The following IL1RAPL1 variants were observed in gnomAD, a reference collection of about 807,000 sequenced individuals.
The protein encoded by IL1RAPL1 is interleukin 1 receptor accessory protein like 1.
A neutral mutation model predicts 48.4 loss-of-function variants in IL1RAPL1; 3 were observed. That is an observed-to-expected ratio of 0.06 (90% confidence interval 0.03 to 0.16). The LOEUF (loss-of-function observed/expected upper bound fraction) is 0.16. Ranked by LOEUF, IL1RAPL1 falls within the 10% of genes least tolerant of loss-of-function variation. The pLI, the probability that IL1RAPL1 is intolerant of heterozygous loss-of-function variation, is 1.00. For synonymous variants in IL1RAPL1, 185 were observed against 187.7 expected, an observed-to-expected ratio of 0.99 and a Z score of 0.12; for missense variants, 349 against 530.6, an observed-to-expected ratio of 0.66 and a Z score of 3.36.
chrX:29,803,096 CATGTATACATATATGTATAT>C (rs1380771300), intron 6 of IL1RAPL1, among the ~76,000 whole-genome samples: 1 of 87,684 alleles, frequency 1.1e-5, no homozygotes. Flanking sequence ...TATATGTATA[CATGTATACATATATGTATAT>C]ATGTGTATAC....
At chrX:29,193,746 A>G (rs934292934) in intron 2 of IL1RAPL1, among the ~76,000 whole-genome samples, 5 of 111,633 alleles carry the variant, frequency 4.5e-5, no homozygotes, top group Non-Finnish European at 9.4e-5. Flanking sequence ...AAAATTGTAA[A>G]GAATTAATAC....
chrX:28,977,892 G>C (rs1384210690), intron 2 of IL1RAPL1, among the ~76,000 whole-genome samples: 1 of 111,866 alleles, frequency 8.9e-6, no homozygotes, highest in Non-Finnish European at 1.9e-5. Flanking sequence ...GGACCCGGGG[G>C]GTGGAGGTTG....
intron 6 of IL1RAPL1, among the ~76,000 whole-genome samples, chrX:29,822,477 T>G (rs1458724036): frequency 1.8e-5 from 2 of 111,308 alleles, no homozygotes; most frequent in East Asian, 5.6e-4. Flanking sequence ...TTTTGCATGT[T>G]TTGGTCTACA....
intron 1 of IL1RAPL1, among the ~76,000 whole-genome samples, chrX:28,624,640 T>C (rs1934318481): frequency 8.9e-6 from 1 of 111,832 alleles, no homozygotes; most frequent in Admixed American, 9.6e-5. Context: ...TGTCAACAAC[T>C]CCGTGAAGCT....
chrX:28,655,510 C>G (rs1427427083), intron 1 of IL1RAPL1, among the ~76,000 whole-genome samples: 2 of 110,978 alleles, frequency 1.8e-5, no homozygotes, highest in African/African-American at 6.6e-5. Flanking sequence ...CTCCTATCAG[C>G]AAAAAGAGCA....
intron 2 of IL1RAPL1, among the ~76,000 whole-genome samples, chrX:28,983,560 A>G (rs1330980166): frequency 8.9e-6 from 1 of 111,854 alleles, no homozygotes; most frequent in African/African-American, 3.2e-5. Flanking sequence ...GAGCTTTCCA[A>G]TTTACGCTAA....
At chrX:29,485,847 G>A (rs184949802) in intron 5 of IL1RAPL1, among the ~76,000 whole-genome samples, 36 of 111,158 alleles carry the variant, frequency 3.2e-4, no homozygotes, top group Admixed American at 3.0e-3. Flanking sequence ...AGGCCCTGGC[G>A]ACTCAAAGTG....
chrX:29,192,059 A>G (rs1011489347), intron 2 of IL1RAPL1, among the ~76,000 whole-genome samples: 2 of 111,664 alleles, frequency 1.8e-5, no homozygotes, highest in Non-Finnish European at 3.8e-5. Context: ...GCAGCAGTCT[A>G]TTCTTTCGTT....
chrX:29,633,941 G>T (rs1248109696), intron 5 of IL1RAPL1, among the ~76,000 whole-genome samples: 1 of 111,472 alleles, frequency 9.0e-6, no homozygotes, highest in Non-Finnish European at 1.9e-5. Context: ...CACATTCACA[G>T]GTTCCTGGGT....
chrX:29,933,419 G>A (rs1339128365), intron 8 of IL1RAPL1, among the ~76,000 whole-genome samples: 1 of 111,304 alleles, frequency 9.0e-6, no homozygotes, highest in Non-Finnish European at 1.9e-5. Flanking sequence ...TTAATGGACT[G>A]AATATTAATG....
At position 28,940,309 on chromosome X, in the gene IL1RAPL1, A is replaced by G. The variant is rs1047399592; in HGVS notation, c.82+150884A>G. Among the ~76,000 whole-genome samples, 51 of 111,366 alleles carry G rather than the reference A, an allele frequency of 4.6e-4. 1 individual carries two copies. The highest frequency in any genetic ancestry group is 1.4e-3 in the African/African-American group (42 of 30,899). On this transcript the variant is annotated intron_variant, in intron 2 of 10. Coordinates refer to ENST00000378993, the MANE Select transcript of IL1RAPL1 (RefSeq NM_014271.4). ...AAGTTTAGTAATAAGAGCAAAAAAGACATATATTTATGAGAGCAAAAATAT... is the reference window on the plus strand; with the variant it reads ...AAGTTTAGTAATAAGAGCAAAAAAGGCATATATTTATGAGAGCAAAAATAT...
chrX:28,911,659 A>G (rs1459269103), intron 2 of IL1RAPL1, among the ~76,000 whole-genome samples: 1 of 111,465 alleles, frequency 9.0e-6, no homozygotes, highest in Non-Finnish European at 1.9e-5. Flanking sequence ...ACTAAAAAGA[A>G]AGTTCTTATT....
intron 1 of IL1RAPL1, among the ~76,000 whole-genome samples, chrX:28,694,690 A>G (rs946521653): frequency 5.3e-5 from 6 of 112,395 alleles, no homozygotes; most frequent in African/African-American, 1.9e-4. Flanking sequence ...AGCTCATATT[A>G]TAAGAGTTTT....
chrX:29,008,934 T>C (rs1301169376), intron 2 of IL1RAPL1, among the ~76,000 whole-genome samples: 1 of 111,619 alleles, frequency 9.0e-6, no homozygotes, highest in Non-Finnish European at 1.9e-5. Flanking sequence ...TGGCTTTCTG[T>C]TCCTGCATTA....
intron 6 of IL1RAPL1, among the ~76,000 whole-genome samples, chrX:29,811,844 T>C (rs1224514421): frequency 1.8e-5 from 2 of 112,215 alleles, no homozygotes; most frequent in African/African-American, 6.5e-5. Flanking sequence ...TTTATAATTG[T>C]TAGTCTTCTA....
chrX:28,599,599 C>T (rs936878203), intron 1 of IL1RAPL1, among the ~76,000 whole-genome samples: 2 of 111,285 alleles, frequency 1.8e-5, no homozygotes, highest in African/African-American at 6.6e-5. Context: ...ATTGCCCCTT[C>T]CCATATGTAT....
At chrX:29,906,507 A>G (rs1311956411) in intron 6 of IL1RAPL1, among the ~76,000 whole-genome samples, 5 of 35,350 alleles carry the variant, frequency 1.4e-4, no homozygotes, top group African/African-American at 3.7e-4. Context: ...ATATATATAT[A>G]TATATATATA....
chrX:29,775,158 G>A (rs765653389), intron 6 of IL1RAPL1, among the ~76,000 whole-genome samples: 2 of 111,556 alleles, frequency 1.8e-5, no homozygotes, highest in African/African-American at 3.3e-5. Flanking sequence ...TGAGAGAGTC[G>A]TTATATCCGA....
At chrX:29,413,982 T>C (rs1934181879) in intron 5 of IL1RAPL1, among the ~76,000 whole-genome samples, 1 of 111,225 alleles carries the variant, frequency 9.0e-6, no homozygotes, top group South Asian at 3.8e-4. Context: ...ACTATTACAG[T>C]CACTTATTTG....
Sources: allele counts gnomAD v4.1 joint callset (sites outside exome capture counted in the v4.1 genomes callset), GRCh38; gene constraint gnomAD v4.1.1; transcripts MANE v1.5; gene names NCBI Gene and HGNC (gene_info 2026-07-23, HGNC 2026-07-21).